Variants in DLG4 observed in about 807,000 individuals in gnomAD.
DLG4 encodes the protein discs large MAGUK scaffold protein 4, also known as disks large homolog 4.
A neutral mutation model predicts 93.8 loss-of-function variants in DLG4; 7 were observed. The observed-to-expected ratio is 0.07, with a 90% CI of 0.04 to 0.14. DLG4 has a LOEUF of 0.14. DLG4 is among the 10% of genes least tolerant of loss of function. The pLI is 1.00. For missense variants in DLG4, 545 were observed against 992.9 expected, an observed-to-expected ratio of 0.55 and a Z score of 6.06; for synonymous variants, 341 against 387.6, an observed-to-expected ratio of 0.88 and a Z score of 1.41.
At chr17:7,207,861 G>A (rs1216460408) in intron 2 of DLG4, among the ~76,000 whole-genome samples, 1 of 151,980 alleles carries the variant, frequency 6.6e-6, no homozygotes, top group Non-Finnish European at 1.5e-5. Context: ...CACTCCCATT[G>A]GCCTGGCCTG....
In DLG4 at chr17:7,208,312, C is replaced by G. The variant is rs1187050980; in HGVS notation, c.31-73G>C. ...GCTCCAGGCTGGCCGCCCTGGCCGC[C>G]GCCTCTTCCCCCAGCCAGTGCAGTG... On this transcript the variant is annotated intron_variant, in intron 1 of 19. Transcript: ENST00000399506. The surrounding 1 kb of genome is among the most constrained non-coding windows in gnomAD (Gnocchi z 5.4). 4.0e-6 allele frequency: 5 copies of G among 1,257,444 alleles called. No individual in the cohort carries two copies. Among genetic ancestry groups the G allele is most frequent in the Non-Finnish European group, 4.1e-6 (4 of 979,598 alleles). 77.9% of individuals were successfully genotyped at this position (1,257,444 alleles called of 1,614,324 possible).
At position 7,203,399 on chromosome 17, in the gene DLG4, G is replaced by T. The variant is rs752648809; in HGVS notation, c.505+25C>A. 2 of 1,595,860 alleles carry T rather than the reference G, an allele frequency of 1.3e-6. No homozygotes were observed. The highest frequency in any genetic ancestry group is 1.7e-5 in the Admixed American group (1 of 59,578). On this transcript the variant is annotated intron_variant, in intron 6 of 19. Transcript: ENST00000399506. This position sits in a 1 kb window ranked among gnomAD's most constrained non-coding sequence, Gnocchi z 7.2. ...TGGGGGCACAGGACAGTTGGGATGG[G>T]GGTGGGAACAAAATGAGTTACTACC...
rs1172449986 is a variant in DLG4, at chr17:7,208,572, C to T, written c.31-333G>A. 6.6e-6 allele frequency among the ~76,000 whole-genome samples: 1 copy of T among 152,132 alleles called. No homozygotes were observed. Among genetic ancestry groups the T allele is most frequent in the Non-Finnish European group, 1.5e-5 (1 of 68,028 alleles). On this transcript the variant is annotated intron_variant, in intron 1 of 19. Coordinates refer to ENST00000399506, the MANE Select transcript of DLG4 (RefSeq NM_001321075.3). The surrounding 1 kb of genome is among the most constrained non-coding windows in gnomAD (Gnocchi z 5.4). Reference sequence around the variant, plus strand: ...TCTTCACCCCTTTCCCCACCACCTTCATCTTCGAGTCCCTCCAGCTTCTCA... The same window carrying T: ...TCTTCACCCCTTTCCCCACCACCTTTATCTTCGAGTCCCTCCAGCTTCTCA...
Position 7,203,582 on chromosome 17 carries a change from C to T in DLG4, c.347G>A (p.Ser116Asn), listed in dbSNP as rs751255727. ...AQDGRLRVND[S>N]ILFVNEVDVR... ...GTCCACTTCATTTACAAACAGGATG[C>T]TGTCGTTGACCCTGGGAGCAGCAAG... The change falls in exon 6 of 20, where the codon AGC becomes AAC. Residue 116 changes from serine (S) to asparagine (N), a missense_variant. Physicochemically the swap from Ser to Asn is conservative, Grantham distance 46. Around this residue, in one of 5 missense-constraint regions of DLG4, gnomAD observed 33 missense variants for 107.5 expected, o/e 0.31. Transcript: ENST00000399506. The surrounding 1 kb of genome is among the most constrained non-coding windows in gnomAD (Gnocchi z 7.2). 3.1e-6 allele frequency: 5 copies of T among 1,610,720 alleles called. No homozygotes were observed. In the African/African-American group the frequency reaches 5.3e-5, roughly 17 times the overall value.
chr17:7,220,049 C>A, upstream of DLG4: 1 of 1,602,868 alleles, frequency 6.2e-7, no homozygotes. Context: ...GGCGGAAGGT[C>A]TGTGTGTGAC....
intron 1 of DLG4, among the ~76,000 whole-genome samples, chr17:7,210,419 T>C (rs1224788141): frequency 6.6e-6 from 1 of 152,178 alleles, no homozygotes; most frequent in Non-Finnish European, 1.5e-5. Flanking sequence ...GCCACAGACT[T>C]GGAGAGAATC....
rs1252650158 is a variant in DLG4, at chr17:7,193,343, G to GA, written c.1693+139dup. On this transcript the variant is annotated intron_variant, in intron 16 of 19. Transcript: ENST00000399506. This position sits in a 1 kb window ranked among gnomAD's most constrained non-coding sequence, Gnocchi z 6.7. ...TACTATGGAATGAGAGGGTGGCTGA[G>GA]AAGCACCCCTTCTCGGAGAAACCCT... is the stretch of plus-strand genomic sequence containing the variant. 5.3e-5 allele frequency: 55 copies of GA among 1,031,538 alleles called. No homozygotes were observed. Among genetic ancestry groups the GA allele is most frequent in the Non-Finnish European group, 7.2e-5 (52 of 722,330 alleles). The allele number at this position is 1,031,538 out of a possible 1,614,324, so 63.9% of individuals were successfully genotyped here.
Position 7,188,703 on chromosome 17 carries a change from A to G in DLG4, c.*2005T>C, listed in dbSNP as rs1025769774. 6.6e-6 allele frequency among the ~76,000 whole-genome samples: 1 copy of G among 152,180 alleles called. No homozygotes were observed. The highest frequency in any genetic ancestry group is 2.4e-5 in the African/African-American group (1 of 41,444). ...GCCATGGCTATCAGGAAGCTCAGAG[A>G]TCACATTTACCCTCACAGTTCATAT... On this transcript the variant is annotated 3_prime_UTR_variant, in exon 20 of 20. Coordinates refer to ENST00000399506, the MANE Select transcript of DLG4 (RefSeq NM_001321075.3).
Position 7,217,537 on chromosome 17 carries a change from A to C in DLG4, c.-390T>G. 5.9e-5 allele frequency: 15 copies of C among 252,512 alleles called. No homozygotes were observed. Among genetic ancestry groups the C allele is most frequent in the Non-Finnish European group, 5.5e-5 (12 of 219,968 alleles). 15.6% of individuals were successfully genotyped at this position (252,512 alleles called of 1,614,324 possible). ...GGGTCTTGCCAAACGGCCAGGGGCT[A>C]GGGGCCGTGGCGGGGGAGTGGGGTG... On this transcript the variant is annotated 5_prime_UTR_variant, in exon 1 of 20. Coordinates refer to ENST00000399506, the MANE Select transcript of DLG4 (RefSeq NM_001321075.3).
At position 7,196,997 on chromosome 17, in the gene DLG4, G is replaced by T; in HGVS notation, c.843C>A (p.Asp281Glu). ...AAGTGGGGGTCATGGCTGTGGGGTA[G>T]TCGGTGCCCAGGTAGCTGCTGTGAC... ...EISHSSYLGT[D>E]YPTAMTPTSP... The change falls in exon 9 of 20, where the codon GAC (aspartate) becomes GAA (glutamate). Residue 281 changes from aspartate (D) to glutamate (E), a missense_variant. By Grantham distance (45) the Asp-to-Glu change is conservative. Coordinates refer to ENST00000399506, the MANE Select transcript of DLG4 (RefSeq NM_001321075.3). This position sits in a 1 kb window ranked among gnomAD's most constrained non-coding sequence, Gnocchi z 8.3. 6.2e-7 allele frequency: 1 copy of T among 1,613,730 alleles called. No homozygotes were observed. Among genetic ancestry groups the T allele is most frequent in the Middle Eastern group, 1.6e-4 (1 of 6,062 alleles).
intron 1 of DLG4, among the ~76,000 whole-genome samples, chr17:7,209,834 A>G (rs1470977056): frequency 1.3e-5 from 2 of 152,020 alleles, no homozygotes; most frequent in Non-Finnish European, 2.9e-5. Context: ...ACATCACCTG[A>G]GGTCAGAGAC....
At chr17:7,204,821 G>C (rs1272267908) in intron 2 of DLG4, 1 of 449,034 alleles carries the variant, frequency 2.2e-6, no homozygotes, top group Non-Finnish European at 2.9e-6. Context: ...CCGGGAATCC[G>C]GGGTTCCCCA....
intron 17 of DLG4, 80 bp from the exon 18 acceptor site, chr17:7,192,082 G>A (rs907144162): frequency 4.9e-5 from 36 of 734,536 alleles, no homozygotes; most frequent in Admixed American, 1.3e-4. Context: ...GGACACGGAC[G>A]GGGAGAGGTG....
At position 7,189,098 on chromosome 17, in the gene DLG4, C is replaced by T. The variant is rs536419462; in HGVS notation, c.*1610G>A. Among the ~76,000 whole-genome samples the T allele has an allele frequency of 1.7e-3, 221 of 127,042 alleles. 1 individual carries two copies. The highest frequency in any genetic ancestry group is 3.0e-3 in the Admixed American group (33 of 11,042). The allele number at this position is 127,042 out of a possible 152,430, so 83.3% of individuals were successfully genotyped here. A position where few individuals can be genotyped will look rare whatever the true frequency, so the allele number is the denominator to read the frequency against. On this transcript the variant is annotated 3_prime_UTR_variant, in exon 20 of 20. Coordinates refer to ENST00000399506, the MANE Select transcript of DLG4 (RefSeq NM_001321075.3). ...CAGCACTCCAGCCTGAGCGAAAGAGCGAAACTCTGTCTCAAAAAAAAAAAA... is the reference window on the plus strand; with the variant it reads ...CAGCACTCCAGCCTGAGCGAAAGAGTGAAACTCTGTCTCAAAAAAAAAAAA...
At chr17:7,206,406 C>G (rs1349643619) in intron 2 of DLG4, among the ~76,000 whole-genome samples, 1 of 152,038 alleles carries the variant, frequency 6.6e-6, no homozygotes, top group Non-Finnish European at 1.5e-5. Flanking sequence ...CCAGGTGAGG[C>G]CTTGTCCTGA....
upstream of DLG4, chr17:7,219,921 T>TGAGCGTGCAGGACGC (rs1555527390): frequency 3.0e-5 from 46 of 1,555,418 alleles, no homozygotes; most frequent in South Asian, 5.3e-4. Context: ...CGCCAGGACG[T>TGAGCGTGCAGGACGC]GGGCGTGCAG....
In DLG4 at chr17:7,195,118, T is replaced by G. The variant is rs1475009045; in HGVS notation, c.1302-623A>C. Among the ~76,000 whole-genome samples, 1 of 152,000 alleles carries G rather than the reference T, an allele frequency of 6.6e-6. No individual in the cohort carries two copies. The highest frequency in any genetic ancestry group is 1.5e-5 in the Non-Finnish European group (1 of 67,980). ...AGGGGTAACCCTGAATCTGCCCAAA[T>G]TCATAAGAAAAAGAAAATGTCCCGT... is the stretch of plus-strand genomic sequence containing the variant. On this transcript the variant is annotated intron_variant, in intron 11 of 19. Transcript: ENST00000399506. The surrounding 1 kb of genome is among the most constrained non-coding windows in gnomAD (Gnocchi z 4.3).
intron 1 of DLG4, among the ~76,000 whole-genome samples, chr17:7,211,137 G>A (rs2070688878): frequency 7.1e-6 from 1 of 140,368 alleles, no homozygotes; most frequent in Admixed American, 7.0e-5. Context: ...GTGGGGGTGG[G>A]GGCGGGGGAG....
intron 8 of DLG4, among the ~76,000 whole-genome samples, chr17:7,199,495 C>A (rs1329458698): frequency 6.6e-6 from 1 of 151,938 alleles, no homozygotes; most frequent in Non-Finnish European, 1.5e-5. Context: ...GCCACCGCGC[C>A]CAGCCAAAAT....
Sources: gnomAD v4.1 joint callset for allele counts (sites outside exome capture counted in the v4.1 genomes callset) on GRCh38, gnomAD v4.1.1 for gene constraint, gnomAD v4.1.1 regional missense constraint, Gnocchi (gnomAD v3.1) non-coding constraint, MANE v1.5 for transcripts, NCBI Gene and HGNC (gene_info 2026-07-23, HGNC 2026-07-21) for gene names.